The following SLC35F1 variants were observed in gnomAD, a reference collection of about 807,000 sequenced individuals.
SLC35F1 encodes solute carrier family 35 member F1, also known as chromosome 6 open reading frame 169.
In SLC35F1, 14 loss-of-function variants were observed where a neutral mutation model predicts 48.7. The ratio of observed to expected loss-of-function variants is 0.29; its 90% CI spans 0.19 to 0.45. SLC35F1 has a LOEUF of 0.45. SLC35F1 is among the 20% of genes least tolerant of loss of function. SLC35F1 has a pLI of 1.00. For synonymous variants in SLC35F1, 190 were observed against 202.2 expected (o/e 0.94, Z 0.51); for missense variants, 404 against 500.0 (o/e 0.81, Z 1.83).
At chr6:117,966,391 C>T (rs1434910353) in intron 1 of SLC35F1, among the ~76,000 whole-genome samples, 5 of 151,558 alleles carry the variant, frequency 3.3e-5, no homozygotes, top group South Asian at 4.2e-4. Flanking sequence ...TAACACTCGC[C>T]GCGAAGATCT....
intron 1 of SLC35F1, among the ~76,000 whole-genome samples, chr6:117,923,675 G>GTACATATACACATATATGTATATA (rs1775951035): frequency 2.8e-5 from 1 of 36,330 alleles, no homozygotes; most frequent in Non-Finnish European, 5.1e-5. Flanking sequence ...ATACATATAT[G>GTACATATACACATATATGTATATA]TACATATATA....
At chr6:118,042,818 A>G (rs1484045441) in intron 1 of SLC35F1, among the ~76,000 whole-genome samples, 1 of 152,188 alleles carries the variant, frequency 6.6e-6, no homozygotes, top group Non-Finnish European at 1.5e-5. Context: ...ATTGGTGACC[A>G]ATTGAATGTG....
At chr6:118,118,970 G>T (rs896517921) in intron 1 of SLC35F1, among the ~76,000 whole-genome samples, 2 of 149,372 alleles carry the variant, frequency 1.3e-5, no homozygotes, top group African/African-American at 4.9e-5. Context: ...ACAGAGTTCA[G>T]ACATGGATTC....
At position 117,907,730 on chromosome 6, in the gene SLC35F1, A is replaced by G. The variant is rs1250761960; in HGVS notation, c.4A>G (p.Ile2Val). 1 of 1,524,970 alleles carries G rather than the reference A, an allele frequency of 6.6e-7. No homozygotes were observed. The highest frequency in any genetic ancestry group is 8.8e-7 in the Non-Finnish European group (1 of 1,139,164). The allele number at this position is 1,524,970 out of a possible 1,614,324, so 94.5% of individuals were successfully genotyped here. ...CCGCGCCTCAGCCTCTGCCGCGATG[A>G]TCCCCCCTGAGCAGCCGCAGCAGCA... MIPPEQPQQQLQ... is the reference protein window; with the variant it reads MVPPEQPQQQLQ... Residue 2 changes from isoleucine to valine, a missense_variant, in exon 1 of 8, where the codon ATC (isoleucine) becomes GTC (valine). Ile to Val is a conservative substitution (Grantham distance 29). Around this residue, in one of 2 missense-constraint regions of SLC35F1, gnomAD observed 98 missense variants for 81.0 expected, o/e 1.21. Coordinates refer to ENST00000360388, the MANE Select transcript of SLC35F1 (RefSeq NM_001029858.4).
chr6:118,246,821 A>AT (rs535740038), intron 3 of SLC35F1, among the ~76,000 whole-genome samples: 215 of 152,214 alleles, frequency 1.4e-3, no homozygotes, highest in African/African-American at 4.9e-3. Flanking sequence ...AAGTTCTATG[A>AT]TTTTTATCCT....
chr6:118,023,733 T>G (rs759728167), intron 1 of SLC35F1, among the ~76,000 whole-genome samples: 2 of 152,242 alleles, frequency 1.3e-5, no homozygotes, highest in Non-Finnish European at 2.9e-5. Flanking sequence ...GGTTATCATC[T>G]TAAGCACAGT....
At chr6:118,066,491 C>T (rs1772615670) in intron 1 of SLC35F1, among the ~76,000 whole-genome samples, 1 of 152,148 alleles carries the variant, frequency 6.6e-6, no homozygotes, top group Admixed American at 6.5e-5. Context: ...GTAGATCCTT[C>T]CCTAGTTGAG....
rs577214733 is a variant in SLC35F1 at position 118,300,125 on chromosome 6, T to A, written c.1003-13903T>A. On this transcript the variant is annotated intron_variant, in intron 7 of 7. Transcript: ENST00000360388. ...TCAACCAACCATGGATTGAAAATAA[T>A]TAAGGGGAAAAAATTACATCTGTAC... 3.3e-4 allele frequency among the ~76,000 whole-genome samples: 50 copies of A among 152,286 alleles called. No homozygotes were observed. The South Asian group carries it at 9.3e-3, about 28-fold the overall frequency.
At chr6:118,282,321 T>A (rs1162370647) in intron 6 of SLC35F1, among the ~76,000 whole-genome samples, 1 of 152,242 alleles carries the variant, frequency 6.6e-6, no homozygotes, top group Non-Finnish European at 1.5e-5. Context: ...TATGCTTTGC[T>A]TGGGAAACAG....
At chr6:117,924,486 G>GTACA (rs1775998905) in intron 1 of SLC35F1, among the ~76,000 whole-genome samples, 1 of 17,882 alleles carries the variant, frequency 5.6e-5, no homozygotes, top group Non-Finnish European at 1.4e-4. Context: ...ATGTATATAC[G>GTACA]TATATACATA....
At chr6:118,170,115 T>C (rs1400471791) in intron 2 of SLC35F1, among the ~76,000 whole-genome samples, 2 of 152,174 alleles carry the variant, frequency 1.3e-5, no homozygotes, top group Non-Finnish European at 2.9e-5. Context: ...TTATAACAAA[T>C]AATTTTGATT....
chr6:117,940,412 A>G (rs1018151716), intron 1 of SLC35F1, among the ~76,000 whole-genome samples: 1 of 152,134 alleles, frequency 6.6e-6, no homozygotes, highest in Non-Finnish European at 1.5e-5. Flanking sequence ...TCATTTATTT[A>G]TCTATTTATT....
At chr6:117,988,468 T>C (rs867034082) in intron 1 of SLC35F1, among the ~76,000 whole-genome samples, 1 of 152,160 alleles carries the variant, frequency 6.6e-6, no homozygotes, top group Non-Finnish European at 1.5e-5. Context: ...ATGACAAAAC[T>C]CTCAAATCTC....
chr6:118,083,277 G>A (rs1046879950), intron 1 of SLC35F1, among the ~76,000 whole-genome samples: 11 of 152,280 alleles, frequency 7.2e-5, no homozygotes, highest in African/African-American at 2.6e-4. Context: ...GTAAACAAAT[G>A]TTTGGACAGA....
chr6:117,993,812 A>G (rs1776950596), intron 1 of SLC35F1, among the ~76,000 whole-genome samples: 1 of 152,210 alleles, frequency 6.6e-6, no homozygotes, highest in Admixed American at 6.5e-5. Flanking sequence ...GCTGTAAATA[A>G]AGGTGGCACA....
chr6:118,197,732 T>C (rs1774822021), intron 2 of SLC35F1, among the ~76,000 whole-genome samples: 1 of 151,832 alleles, frequency 6.6e-6, no homozygotes, highest in Non-Finnish European at 1.5e-5. Flanking sequence ...TGAGACAGGG[T>C]TGAATTTTTA....
chr6:117,923,766 C>CATATACAT (rs1775971548), intron 1 of SLC35F1, among the ~76,000 whole-genome samples: 1 of 17,830 alleles, frequency 5.6e-5, no homozygotes, highest in East Asian at 2.3e-3. Context: ...TACATATGCA[C>CATATACAT]ATACATATGT....
chr6:118,069,117 T>A (rs1319800375), intron 1 of SLC35F1, among the ~76,000 whole-genome samples: 1 of 152,164 alleles, frequency 6.6e-6, no homozygotes, highest in Non-Finnish European at 1.5e-5. Flanking sequence ...GGTTTTTAAT[T>A]ATTATTTCAA....
intron 2 of SLC35F1, among the ~76,000 whole-genome samples, chr6:118,212,159 G>A (rs1464765033): frequency 1.3e-5 from 2 of 152,146 alleles, no homozygotes; most frequent in Non-Finnish European, 2.9e-5. Context: ...TTTCTCGCAT[G>A]TCTTTGAATC....
Sources: gnomAD v4.1 joint callset for allele counts (sites outside exome capture counted in the v4.1 genomes callset) on GRCh38, gnomAD v4.1.1 for gene constraint, gnomAD v4.1.1 regional missense constraint, MANE v1.5 for transcripts, NCBI Gene and HGNC (gene_info 2026-07-23, HGNC 2026-07-21) for gene names.